The following IGFL2 variants were observed in gnomAD, a reference collection of about 807,000 sequenced individuals.
IGFL2 encodes IGF like family member 2, also known as insulin growth factor-like family member 2.
In IGFL2, 7 loss-of-function variants were observed where a neutral mutation model predicts 13.9. The observed-to-expected ratio is 0.51, with a 90% confidence interval of 0.29 to 0.95. The LOEUF is 0.95. Among genes scored for constraint, IGFL2 ranks in the 40% least tolerant of loss-of-function variants. The pLI is 0.08. For synonymous variants in IGFL2, 55 were observed against 55.8 expected (o/e 0.99, Z 0.07); for missense variants, 138 against 147.8 (o/e 0.93, Z 0.34).
At chr19:46,191,938 C>G in the IGFL2 span, among the ~76,000 whole-genome samples, 1 of 152,092 alleles carries the variant, frequency 6.6e-6, no homozygotes, top group African/African-American at 2.4e-5. Flanking sequence ...TCATACTTTT[C>G]TTCTTGGCAT....
At chr19:46,138,625 G>A (rs559610818), upstream of IGFL2, among the ~76,000 whole-genome samples, 2 of 152,260 alleles carry the variant, frequency 1.3e-5, no homozygotes, top group East Asian at 3.9e-4. Context: ...GGTGCATCCT[G>A]GTGGGACCTG....
the IGFL2 span, among the ~76,000 whole-genome samples, chr19:46,088,016 A>AG: frequency 6.6e-6 from 1 of 152,170 alleles, no homozygotes; most frequent in East Asian, 1.9e-4. Context: ...GTGAGGGCTG[A>AG]GGGGCTCTCC....
upstream of IGFL2, among the ~76,000 whole-genome samples, chr19:46,145,448 C>A (rs899494595): frequency 1.3e-5 from 2 of 152,054 alleles, no homozygotes; most frequent in African/African-American, 4.8e-5. Context: ...CAGGTTTCCA[C>A]ACGTGACTTA....
the IGFL2 span, among the ~76,000 whole-genome samples, chr19:46,127,616 TATAGGTAGGTAGGTAGGTGGGTAG>T: frequency 6.6e-6 from 1 of 152,046 alleles, no homozygotes; most frequent in Non-Finnish European, 1.5e-5. Flanking sequence ...AGGTAAGATG[TATAGGTAGGTAGGTAGGTGGGTAG>T]ATAGGTAGGT....
chr19:46,103,634 A>G, the IGFL2 span, among the ~76,000 whole-genome samples: 1 of 152,144 alleles, frequency 6.6e-6, no homozygotes, highest in African/African-American at 2.4e-5. Flanking sequence ...GACACTTATG[A>G]GTAGTTGAGA....
chr19:46,131,687 G>C, the IGFL2 span, among the ~76,000 whole-genome samples: 95,521 of 152,034 alleles, frequency 0.63, 30,827 homozygotes, highest in Middle Eastern at 0.69. Flanking sequence ...GCCTGTAATC[G>C]CAGCACTTTG....
downstream of IGFL2, among the ~76,000 whole-genome samples, chr19:46,165,233 G>A (rs945953712): frequency 7.2e-5 from 11 of 152,226 alleles, no homozygotes; most frequent in African/African-American, 2.2e-4. Flanking sequence ...AGGTTAGGGC[G>A]CAGCCTGTGG....
the IGFL2 span, among the ~76,000 whole-genome samples, chr19:46,093,272 A>C: frequency 6.6e-6 from 1 of 152,228 alleles, no homozygotes; most frequent in African/African-American, 2.4e-5. Context: ...AATTTCTCTA[A>C]TGGTGATCAA....
chr19:46,096,333 G>T, the IGFL2 span, among the ~76,000 whole-genome samples: 2 of 152,004 alleles, frequency 1.3e-5, no homozygotes, highest in East Asian at 1.9e-4. Context: ...TCTGTTGTTG[G>T]TGTATAGGAA....
At chr19:46,140,480 C>G (rs962331389), upstream of IGFL2, among the ~76,000 whole-genome samples, 1 of 152,124 alleles carries the variant, frequency 6.6e-6, no homozygotes, top group Non-Finnish European at 1.5e-5. Flanking sequence ...GAGTTCAAGT[C>G]TAACGTAGGC....
At chr19:46,194,830 T>TTATATATATATA in the IGFL2 span, among the ~76,000 whole-genome samples, 14 of 46,794 alleles carry the variant, frequency 3.0e-4, no homozygotes, top group Admixed American at 5.4e-4. Context: ...CTTCCTCATT[T>TTATATATATATA]TATATATATA....
At chr19:46,160,142 AC>A (rs1367426311) in intron 1 of IGFL2, 2 of 475,188 alleles carry the variant, frequency 4.2e-6, no homozygotes, top group South Asian at 2.6e-5. Context: ...CCTTTTTCCA[AC>A]TGGTAAACTT....
chr19:46,211,344 C>A, the IGFL2 span, among the ~76,000 whole-genome samples: 1 of 152,224 alleles, frequency 6.6e-6, no homozygotes, highest in African/African-American at 2.4e-5. Context: ...CCTTGTCAGC[C>A]AGCAGCGGAC....
intron 1 of IGFL2, among the ~76,000 whole-genome samples, chr19:46,155,610 T>C (rs1973778917): frequency 6.6e-6 from 1 of 152,240 alleles, no homozygotes; most frequent in African/African-American, 2.4e-5. Flanking sequence ...CACTGACTTC[T>C]GGAAGTCCTG....
At chr19:46,171,111 G>A in the IGFL2 span, among the ~76,000 whole-genome samples, 1 of 152,116 alleles carries the variant, frequency 6.6e-6, no homozygotes, top group Non-Finnish European at 1.5e-5. Context: ...GGCTCAGGGG[G>A]CATCATGGAA....
chr19:46,128,053 C>CTATA, the IGFL2 span, among the ~76,000 whole-genome samples: 7 of 152,054 alleles, frequency 4.6e-5, no homozygotes, highest in African/African-American at 1.7e-4. Context: ...CCCTGGTTAG[C>CTATA]TATATTCCTA....
chr19:46,108,201 A>T, the IGFL2 span, among the ~76,000 whole-genome samples: 25 of 152,094 alleles, frequency 1.6e-4, no homozygotes, highest in African/African-American at 6.0e-4. Context: ...AAGGACTCAG[A>T]GCTTGGGGTG....
the IGFL2 span, among the ~76,000 whole-genome samples, chr19:46,193,279 C>T: frequency 1.1e-4 from 16 of 152,090 alleles, no homozygotes; most frequent in African/African-American, 3.4e-4. Flanking sequence ...AATGCCGTGT[C>T]GTCCCGCTCT....
the IGFL2 span, among the ~76,000 whole-genome samples, chr19:46,167,469 T>C: frequency 6.6e-6 from 1 of 152,076 alleles, no homozygotes; most frequent in African/African-American, 2.4e-5. Flanking sequence ...TGCAGACCCC[T>C]ACAATGGGGC....
Sources: allele counts gnomAD v4.1 joint callset (sites outside exome capture counted in the v4.1 genomes callset), GRCh38; gene constraint gnomAD v4.1.1; transcripts MANE v1.5; gene names NCBI Gene and HGNC (gene_info 2026-07-23, HGNC 2026-07-21).